The following TET2 variants were observed in gnomAD, a reference collection of about 807,000 sequenced individuals.
The protein encoded by TET2 is methylcytosine dioxygenase TET2.
Under a neutral mutation model 142.9 loss-of-function variants are expected in TET2, and 299 were observed. That is an observed-to-expected ratio of 2.09 (90% confidence interval 1.90 to 2.30). The LOEUF is 2.30. Ranked by LOEUF, TET2 falls within the 30% of genes most tolerant of loss-of-function variation. TET2 has a pLI of 0.00. For synonymous variants in TET2, 819 were observed against 849.0 expected (o/e 0.96, Z 0.61); for missense variants, 2,418 against 2,378.0 (o/e 1.02, Z -0.35).
intron 2 of TET2, among the ~76,000 whole-genome samples, chr4:105,223,475 A>G (rs1727981033): frequency 6.6e-6 from 1 of 152,158 alleles, no homozygotes; most frequent in South Asian, 2.1e-4. Context: ...AACCATACCA[A>G]TATTACATAG....
rs764527838 is a variant in TET2 at position 105,269,682 on chromosome 4, G to A, written c.4117G>A (p.Ala1373Thr). 2 of 1,551,646 alleles carry A rather than the reference G, an allele frequency of 1.3e-6. No homozygotes were observed. The highest frequency in any genetic ancestry group is 1.7e-6 in the Non-Finnish European group (2 of 1,146,946). ...AGGCCGTCCATTCTCAGGGGTCACTGCATGTTTGGACTTCTGTGCTCATGC... is the reference window on the plus strand; with the variant it reads ...AGGCCGTCCATTCTCAGGGGTCACTACATGTTTGGACTTCTGTGCTCATGC... ...KEGRPFSGVTACLDFCAHAHR... is the reference protein window; with the variant it reads ...KEGRPFSGVTTCLDFCAHAHR... Residue 1373 changes from alanine to threonine, a missense_variant, in exon 9 of 11, where the codon GCA (alanine) becomes ACA (threonine). Coordinates refer to ENST00000380013, the MANE Select transcript of TET2 (RefSeq NM_001127208.3).
intron 1 of TET2, among the ~76,000 whole-genome samples, chr4:105,185,438 T>TC (rs1725371397): frequency 6.6e-6 from 1 of 152,240 alleles, no homozygotes. Context: ...GTCTTTTTTT[T>TC]CTAAATCTAT....
In TET2 at chr4:105,235,209, A is replaced by G. The variant is rs1456990525; in HGVS notation, c.1267A>G (p.Lys423Glu). 6.8e-6 allele frequency: 11 copies of G among 1,614,122 alleles called. No homozygotes were observed. The highest frequency in any genetic ancestry group is 1.1e-5 in the South Asian group (1 of 91,080). The change falls in exon 3 of 11, where the codon AAA becomes GAA. Residue 423 changes from lysine to glutamate, a missense_variant. Coordinates refer to ENST00000380013, the MANE Select transcript of TET2 (RefSeq NM_001127208.3). ...PQVPQLPSEG[K>E]STLNGGVLEE... ...GGTTCCTCAGCTTCCTTCAGAAGGA[A>G]AAAGCACTCTGAATGGTGGAGTTTT...
chr4:105,255,236 G>C (rs566637978), intron 6 of TET2, among the ~76,000 whole-genome samples: 2 of 152,148 alleles, frequency 1.3e-5, no homozygotes, highest in East Asian at 3.9e-4. Context: ...TTACAACAAG[G>C]TATTTTCTAA....
intron 1 of TET2, among the ~76,000 whole-genome samples, chr4:105,152,300 TAATA>T (rs1315464509): frequency 2.0e-5 from 3 of 151,910 alleles, no homozygotes; most frequent in African/African-American, 7.3e-5. Flanking sequence ...AAAATAATAA[TAATA>T]AATAGGAGAT....
chr4:105,265,291 T>A (rs1730633262), intron 8 of TET2, among the ~76,000 whole-genome samples: 1 of 152,234 alleles, frequency 6.6e-6, no homozygotes, highest in African/African-American at 2.4e-5. Context: ...TAAATTAATG[T>A]AAAAATTAAC....
intron 2 of TET2, among the ~76,000 whole-genome samples, chr4:105,192,040 C>G (rs1241392321): frequency 1.3e-5 from 2 of 152,102 alleles, no homozygotes; most frequent in Non-Finnish European, 2.9e-5. Flanking sequence ...TGTGACTACT[C>G]ATTCTGCTCT....
intron 2 of TET2, among the ~76,000 whole-genome samples, chr4:105,200,521 T>A (rs1463593595): frequency 6.6e-6 from 1 of 152,204 alleles, no homozygotes; most frequent in African/African-American, 2.4e-5. Flanking sequence ...GATAGTTTAT[T>A]TTGCTATGAA....
At chr4:105,244,586 G>GTTTTT (rs566674796) in intron 6 of TET2, among the ~76,000 whole-genome samples, 12 of 66,732 alleles carry the variant, frequency 1.8e-4, no homozygotes, top group African/African-American at 2.1e-4. Flanking sequence ...ACACAGAAAT[G>GTTTTT]TTTTTTTTTT....
chr4:105,191,229 A>C (rs1271891886), intron 2 of TET2, among the ~76,000 whole-genome samples: 1 of 151,966 alleles, frequency 6.6e-6, no homozygotes, highest in Non-Finnish European at 1.5e-5. Context: ...GGAGATACAA[A>C]ATACTTTTTT....
Position 105,201,732 on chromosome 4 carries a change from C to CTTTTTTT in TET2, c.-47+11247_-47+11253dup, listed in dbSNP as rs70964636. Among the ~76,000 whole-genome samples the CTTTTTTT allele has an allele frequency of 3.2e-5, 2 of 63,052 alleles. 1 individual carries two copies. The highest frequency in any genetic ancestry group is 1.4e-4 in the African/African-American group (2 of 14,696). 41.4% of individuals were successfully genotyped at this position (63,052 alleles called of 152,430 possible). A position where few individuals can be genotyped will look rare whatever the true frequency, so the allele number is the denominator to read the frequency against. The stretch of plus-strand genomic sequence containing the variant: ...TTAACAGAACATCTTCATCCAGGAC[C>CTTTTTTT]TTTTTTTTTTTTTTTTTTTTTTTTT... On this transcript the variant is annotated intron_variant, in intron 2 of 10. Transcript: ENST00000380013.
In TET2 at chr4:105,190,428, C is replaced by T. The variant is rs139706349; in HGVS notation, c.-124C>T. The T allele has an allele frequency of 5.4e-4, 376 of 700,972 alleles. No individual in the cohort carries two copies. The highest frequency in any genetic ancestry group is 2.2e-3 in the African/African-American group (125 of 57,274). The allele number at this position is 700,972 out of a possible 1,614,324, so 43.4% of individuals were successfully genotyped here. ...TGCCTTTGCTCCTGTTGAGTTACAA[C>T]GCTTGGAAGCAGGAGATGGGCTCAG... is the stretch of plus-strand genomic sequence containing the variant. On this transcript the variant is annotated 5_prime_UTR_variant, in exon 2 of 11. It adds an upstream start codon to the 5' untranslated region. Coordinates refer to ENST00000380013, the MANE Select transcript of TET2 (RefSeq NM_001127208.3).
chr4:105,236,228 C>G lies in TET2; in HGVS notation c.2286C>G (p.His762Gln), dbSNP rs769338467. ...AGGAAATACTCCAGACTTTTCCTCA[C>G]CCCCAAAGCAACAATGATCAGCAAA... Reference protein sequence around the residue: ...NKEEILQTFPHPQSNNDQQRE... With the variant: ...NKEEILQTFPQPQSNNDQQRE... Residue 762 changes from histidine (H) to glutamine (Q), a missense_variant, in exon 3 of 11, where the codon CAC becomes CAG. Coordinates refer to ENST00000380013, the MANE Select transcript of TET2 (RefSeq NM_001127208.3). 1.2e-6 allele frequency: 2 copies of G among 1,614,070 alleles called. No individual in the cohort carries two copies. The highest frequency in any genetic ancestry group is 1.7e-6 in the Non-Finnish European group (2 of 1,180,000).
At chr4:105,161,901 T>C (rs914865423) in intron 1 of TET2, among the ~76,000 whole-genome samples, 1 of 152,228 alleles carries the variant, frequency 6.6e-6, no homozygotes, top group Admixed American at 6.5e-5. Flanking sequence ...GCTGTTCGTC[T>C]TTTTTCAGTT....
chr4:105,168,805 G>A (rs546263701), intron 1 of TET2, among the ~76,000 whole-genome samples: 7 of 152,052 alleles, frequency 4.6e-5, no homozygotes, highest in South Asian at 2.1e-4. Context: ...TCCTCATAGC[G>A]TAGCTCCCAC....
chr4:105,262,648 A>G (rs777052677), intron 8 of TET2, among the ~76,000 whole-genome samples: 1 of 152,088 alleles, frequency 6.6e-6, no homozygotes, highest in Non-Finnish European at 1.5e-5. Flanking sequence ...TTGGGAGGCC[A>G]AGGCAGGTGG....
At position 105,206,896 on chromosome 4, in the gene TET2, A is replaced by G. The variant is rs534999562; in HGVS notation, c.-47+16391A>G. ...TTGGATACTGCTTTCAAGGAAATTT[A>G]AAATAGCAAGCAGGCTTTCAAGAAG... On this transcript the variant is annotated intron_variant, in intron 2 of 10. Transcript: ENST00000380013. Among the ~76,000 whole-genome samples the G allele has an allele frequency of 1.4e-4, 22 of 152,302 alleles. No individual in the cohort carries two copies. The South Asian group carries it at 4.6e-3, about 32-fold the overall frequency.
At chr4:105,271,000 T>C (rs537059566) in intron 9 of TET2, among the ~76,000 whole-genome samples, 1 of 152,322 alleles carries the variant, frequency 6.6e-6, no homozygotes, top group Admixed American at 6.5e-5. Context: ...ATTAATTTAA[T>C]GTTCTAGATC....
At chr4:105,270,353 G>T (rs1224154296) in intron 9 of TET2, among the ~76,000 whole-genome samples, 4 of 152,154 alleles carry the variant, frequency 2.6e-5, no homozygotes, top group African/African-American at 9.7e-5. Flanking sequence ...GAAATCCTTG[G>T]TGTTAATCTA....
Sources: allele counts gnomAD v4.1 joint callset (sites outside exome capture counted in the v4.1 genomes callset), GRCh38; gene constraint gnomAD v4.1.1; transcripts MANE v1.5; gene names NCBI Gene and HGNC (gene_info 2026-07-23, HGNC 2026-07-21).